The following CENPP variants were observed in gnomAD, a reference collection of about 807,000 sequenced individuals.
CENPP encodes centromere protein P.
A neutral mutation model predicts 35.6 loss-of-function variants in CENPP; 24 were observed. The ratio of observed to expected loss-of-function variants is 0.67; its 90% CI spans 0.49 to 0.95. The LOEUF (loss-of-function observed/expected upper bound fraction) is 0.95. Ranked by LOEUF, CENPP falls within the 40% of genes least tolerant of loss-of-function variation. The pLI is 0.00. For missense variants in CENPP, 332 were observed against 345.3 expected (o/e 0.96, Z 0.31); for synonymous variants, 120 against 125.5 (o/e 0.96, Z 0.29).
rs1441741333 is a variant in CENPP, at chr9:92,551,941, A to AT, written c.565-59372dup. On this transcript the variant is annotated intron_variant, in intron 5 of 7. Coordinates refer to ENST00000375587, the MANE Select transcript of CENPP (RefSeq NM_001012267.3). ...GGTGTGTGTGTATATATATATATAT[A>AT]TATATATATATGATATATATATGTG... Among the ~76,000 whole-genome samples, 365 of 64,688 alleles carry AT rather than the reference A, an allele frequency of 5.6e-3. 14 individuals carry two copies. Among genetic ancestry groups the AT allele is most frequent in the African/African-American group, 0.044 (341 of 7,832 alleles). The allele number at this position is 64,688 out of a possible 152,430, so 42.4% of individuals were successfully genotyped here.
intron 5 of CENPP, chr9:92,386,420 C>T: frequency 1.6e-6 from 1 of 620,334 alleles, no homozygotes; most frequent in South Asian, 1.9e-5. Flanking sequence ...GATATGAATA[C>T]ATCAATTATA....
intron 5 of CENPP, among the ~76,000 whole-genome samples, chr9:92,543,641 G>T (rs922519800): frequency 1.3e-5 from 2 of 152,042 alleles, no homozygotes; most frequent in Non-Finnish European, 2.9e-5. Flanking sequence ...ACTTTGGGTA[G>T]TATAGTCATT....
intron 5 of CENPP, among the ~76,000 whole-genome samples, chr9:92,485,704 T>C (rs1846038951): frequency 6.6e-6 from 1 of 152,034 alleles, no homozygotes; most frequent in South Asian, 2.1e-4. Flanking sequence ...ATTGACAGAG[T>C]CTCACTCTGT....
At chr9:92,390,029 C>T (rs761025357) in intron 5 of CENPP, 1 of 1,602,552 alleles carries the variant, frequency 6.2e-7, no homozygotes, top group South Asian at 1.1e-5. Context: ...TATCAAATTT[C>T]CTGTAAAATC....
At chr9:92,408,278 C>T (rs552338042) in intron 5 of CENPP, among the ~76,000 whole-genome samples, 4 of 152,180 alleles carry the variant, frequency 2.6e-5, no homozygotes, top group South Asian at 2.1e-4. Context: ...CTCCGCCTCC[C>T]GGGTTTAAGC....
At chr9:92,574,161 C>T (rs997243197) in intron 5 of CENPP, among the ~76,000 whole-genome samples, 10 of 152,140 alleles carry the variant, frequency 6.6e-5, no homozygotes, top group Admixed American at 2.0e-4. Flanking sequence ...TCTTCTGCAT[C>T]GCTCACGCTG....
intron 5 of CENPP, chr9:92,474,633 A>G (rs1246443127): frequency 2.5e-6 from 4 of 1,610,224 alleles, no homozygotes; most frequent in East Asian, 2.2e-5. Context: ...CCTAAATCTG[A>G]GCAATGTACA....
intron 3 of CENPP, 111 bp from the exon 4 acceptor site, chr9:92,345,588 G>T: frequency 1.6e-6 from 1 of 638,962 alleles, no homozygotes; most frequent in Non-Finnish European, 2.7e-6. Flanking sequence ...TTTCTGTCAT[G>T]ATTACTCTTT....
intron 5 of CENPP, chr9:92,517,239 C>T (rs961872589): frequency 5.3e-6 from 1 of 189,366 alleles, no homozygotes; most frequent in African/African-American, 2.4e-5. Context: ...TTGGGTATAG[C>T]CAGAGGGTTG....
rs181278005 is a variant in CENPP at position 92,546,652 on chromosome 9, T to C, written c.565-64662T>C. On this transcript the variant is annotated intron_variant, in intron 5 of 7. Coordinates refer to ENST00000375587, the MANE Select transcript of CENPP (RefSeq NM_001012267.3). ...GGAACAAACTCTGGACACGCTGCCT[T>C]TAAGAACTGTAACACTCACCGTGAG... Among the ~76,000 whole-genome samples the C allele has an allele frequency of 8.3e-3, 1,263 of 152,284 alleles. 8 individuals are homozygous for C. Among genetic ancestry groups the C allele is most frequent in the Non-Finnish European group, 0.015 (1,010 of 68,016 alleles).
At chr9:92,496,260 G>A (rs1217076460) in intron 5 of CENPP, 1 of 1,519,426 alleles carries the variant, frequency 6.6e-7, no homozygotes, top group Non-Finnish European at 8.7e-7. Context: ...AATGACAAAT[G>A]CAGCTACTAC....
intron 5 of CENPP, among the ~76,000 whole-genome samples, chr9:92,610,050 A>AGTGT: frequency 6.9e-6 from 1 of 144,374 alleles, no homozygotes; most frequent in South Asian, 2.2e-4. Flanking sequence ...CAAAAACACA[A>AGTGT]GTGTTTGTTT....
At chr9:92,434,050 G>A (rs1478273905) in intron 5 of CENPP, among the ~76,000 whole-genome samples, 1 of 152,092 alleles carries the variant, frequency 6.6e-6, no homozygotes, top group Non-Finnish European at 1.5e-5. Context: ...GCTGAGCCAA[G>A]ATTGAAGTCA....
At chr9:92,352,667 C>T (rs550849042) in intron 4 of CENPP, among the ~76,000 whole-genome samples, 3 of 150,684 alleles carry the variant, frequency 2.0e-5, no homozygotes, top group Non-Finnish European at 4.4e-5. Flanking sequence ...ATTCAGTGTT[C>T]AAGGACAGGA....
intron 5 of CENPP, chr9:92,416,828 G>A (rs1843628280): frequency 1.2e-6 from 2 of 1,613,668 alleles, no homozygotes; most frequent in Non-Finnish European, 1.7e-6. Context: ...AGAAGAAATT[G>A]AATTATTTTC....
Position 92,349,253 on chromosome 9 carries a change from G to A in CENPP, c.467+3466G>A, listed in dbSNP as rs780625491. ...GTCTGCCAGTGGGCCCATTTAAGGA[G>A]TTCTTTATGTCGCTTGTAATGCTTT... On this transcript the variant is annotated intron_variant, in intron 4 of 7. Transcript: ENST00000375587. Among the ~76,000 whole-genome samples the A allele has an allele frequency of 3.9e-5, 6 of 152,190 alleles. No homozygotes were observed. The South Asian group carries it at 1.2e-3, about 32-fold the overall frequency.
At chr9:92,456,129 T>C (rs551435065) in intron 5 of CENPP, 1 of 152,316 alleles carries the variant, frequency 6.6e-6, no homozygotes, top group East Asian at 1.9e-4. Flanking sequence ...AAACATGTTA[T>C]ATATAGATTA....
In CENPP at chr9:92,440,682, G is replaced by A. The variant is rs545200619; in HGVS notation, c.564+60823G>A. Among the ~76,000 whole-genome samples, 58 of 152,280 alleles carry A rather than the reference G, an allele frequency of 3.8e-4. No individual in the cohort carries two copies. In the South Asian group the frequency reaches 0.012, roughly 32 times the overall value. ...TCCTGTTGCACCTCAAACTGCGAAA[G>A]TTATGACCACAATTAATGCATTATA... On this transcript the variant is annotated intron_variant, in intron 5 of 7. Transcript: ENST00000375587.
intron 5 of CENPP, among the ~76,000 whole-genome samples, chr9:92,551,917 G>C (rs1454656937): frequency 1.2e-4 from 5 of 40,346 alleles, no homozygotes; most frequent in African/African-American, 4.3e-4. Flanking sequence ...TATATATATG[G>C]TGTGTGTGTA....
Sources: allele counts gnomAD v4.1 joint callset (sites outside exome capture counted in the v4.1 genomes callset), GRCh38; gene constraint gnomAD v4.1.1; transcripts MANE v1.5; gene names NCBI Gene and HGNC (gene_info 2026-07-23, HGNC 2026-07-21).